Variants in KLF13 observed in about 807,000 individuals in gnomAD.
KLF13 encodes KLF transcription factor 13, also known as Krueppel-like factor 13.
KLF13 carries 8 observed loss-of-function variants against 16.7 expected under a neutral mutation model. The ratio of observed to expected loss-of-function variants is 0.48; its 90% confidence interval spans 0.28 to 0.87. The LOEUF (loss-of-function observed/expected upper bound fraction) is 0.87, where lower values mean the gene tolerates loss of function less well. KLF13 is among the 40% of genes least tolerant of loss of function. KLF13 has a pLI of 0.10. For synonymous variants in KLF13, 245 were observed against 208.4 expected (o/e 1.18, Z -1.51); for missense variants, 447 against 452.2 (o/e 0.99, Z 0.10).
At chr15:31,414,005 A>G (rs1404991084) in intron 1 of KLF13, among the ~76,000 whole-genome samples, 1 of 152,218 alleles carries the variant, frequency 6.6e-6, no homozygotes, top group Non-Finnish European at 1.5e-5. Context: ...ATGGGCTAAG[A>G]AAATGATTAT....
chr15:31,405,127 G>C (rs1445923556), downstream of KLF13, among the ~76,000 whole-genome samples: 1 of 152,218 alleles, frequency 6.6e-6, no homozygotes, highest in African/African-American at 2.4e-5. Flanking sequence ...GGTCATGCGA[G>C]CAGAGCTCTC....
At chr15:31,368,158 G>A (rs77240922) in intron 1 of KLF13, among the ~76,000 whole-genome samples, 2,773 of 152,234 alleles carry the variant, frequency 0.018, 48 homozygotes, top group Non-Finnish European at 0.029. Flanking sequence ...CACATGCACA[G>A]GTTCTGGAGG....
chr15:31,327,103 G>C lies in KLF13; in HGVS notation c.-110G>C, dbSNP rs942012911. On this transcript the variant is annotated 5_prime_UTR_variant, in exon 1 of 2. Transcript: ENST00000307145. ...CCAGCCCAGCCCAGCCCAGCCCGAG[G>C]AGAGGGCGCGCCGCGCCCCCGCCCC... 2 of 994,316 alleles carry C rather than the reference G, an allele frequency of 2.0e-6. No homozygotes were observed. The highest frequency in any genetic ancestry group is 9.2e-5 in the East Asian group (2 of 21,652). 61.6% of individuals were successfully genotyped at this position (994,316 alleles called of 1,614,324 possible).
chr15:31,327,827 G>C (rs778349475), intron 1 of KLF13, 38 bp downstream of exon 1: 10 of 1,401,508 alleles, frequency 7.1e-6, no homozygotes, highest in South Asian at 1.5e-5. Flanking sequence ...TCGCGCGGAC[G>C]GGGTCGGCGC....
At chr15:31,367,576 C>G (rs1017295462) in intron 1 of KLF13, among the ~76,000 whole-genome samples, 10 of 152,200 alleles carry the variant, frequency 6.6e-5, no homozygotes, top group African/African-American at 2.4e-4. Flanking sequence ...GCTTCCCCAG[C>G]CTGCAGGCAG....
downstream of KLF13, among the ~76,000 whole-genome samples, chr15:31,406,898 T>G (rs1453115198): frequency 6.6e-6 from 1 of 152,198 alleles, no homozygotes; most frequent in Non-Finnish European, 1.5e-5. Context: ...ACTTTGGCCC[T>G]CTCGCCTCCC....
At chr15:31,337,417 T>G (rs2038948891) in intron 1 of KLF13, among the ~76,000 whole-genome samples, 2 of 152,150 alleles carry the variant, frequency 1.3e-5, no homozygotes, top group Non-Finnish European at 2.9e-5. Flanking sequence ...TGCCCAAGGT[T>G]TTATTATCTT....
intron 1 of KLF13, among the ~76,000 whole-genome samples, chr15:31,341,131 T>G (rs1461253434): frequency 2.0e-5 from 3 of 152,192 alleles, no homozygotes; most frequent in Non-Finnish European, 4.4e-5. Context: ...GTGTTTTATT[T>G]TTCATCAGAG....
At chr15:31,345,637 C>CA (rs1281538576) in intron 1 of KLF13, among the ~76,000 whole-genome samples, 1 of 152,188 alleles carries the variant, frequency 6.6e-6, no homozygotes. Flanking sequence ...CCATCCCCCT[C>CA]ACCAGGGGAC....
At chr15:31,355,330 G>T (rs993212855) in intron 1 of KLF13, among the ~76,000 whole-genome samples, 1 of 152,198 alleles carries the variant, frequency 6.6e-6, no homozygotes, top group Non-Finnish European at 1.5e-5. Flanking sequence ...CTGAAGAGGA[G>T]CTACTAGGAG....
intron 1 of KLF13, among the ~76,000 whole-genome samples, chr15:31,360,808 G>T (rs1296905822): frequency 1.3e-5 from 2 of 152,232 alleles, no homozygotes; most frequent in Admixed American, 6.5e-5. Flanking sequence ...TTTACTTTGT[G>T]AAACCAACCC....
intron 1 of KLF13, among the ~76,000 whole-genome samples, chr15:31,353,415 G>A (rs749341585): frequency 2.0e-5 from 1 of 51,086 alleles, no homozygotes; most frequent in Non-Finnish European, 4.7e-5. Flanking sequence ...CCCAGGTTGG[G>A]GGGCCTGGGC....
intron 1 of KLF13, among the ~76,000 whole-genome samples, chr15:31,425,909 G>T (rs1214231181): frequency 6.6e-6 from 1 of 152,096 alleles, no homozygotes; most frequent in East Asian, 1.9e-4. Flanking sequence ...GCCTTTAACA[G>T]CACCCAAGTC....
intron 1 of KLF13, among the ~76,000 whole-genome samples, chr15:31,364,822 A>C (rs940984482): frequency 6.6e-6 from 1 of 152,232 alleles, no homozygotes; most frequent in Non-Finnish European, 1.5e-5. Flanking sequence ...AGCCATGTGC[A>C]TGTCAGCTCC....
At chr15:31,420,562 T>A (rs1395232143) in intron 1 of KLF13, 31 of 496,128 alleles carry the variant, frequency 6.2e-5, no homozygotes, top group Non-Finnish European at 3.8e-6. Context: ...CCAACATTGA[T>A]AGCCCTTTGA....
intron 1 of KLF13, among the ~76,000 whole-genome samples, chr15:31,431,476 T>G (rs546632172): frequency 2.6e-5 from 4 of 152,156 alleles, no homozygotes; most frequent in Non-Finnish European, 5.9e-5. Context: ...GGTTAAATTT[T>G]TTTTTTTAGA....
chr15:31,336,071 G>A (rs370633230), intron 1 of KLF13, among the ~76,000 whole-genome samples: 43 of 152,352 alleles, frequency 2.8e-4, no homozygotes, highest in East Asian at 2.5e-3. Context: ...GAGGAGCCAC[G>A]AGCTTCTCCC....
intron 1 of KLF13, among the ~76,000 whole-genome samples, chr15:31,422,804 G>A (rs12899540): frequency 0.55 from 83,732 of 151,686 alleles, 24,052 homozygotes; most frequent in South Asian, 0.67. Context: ...GGAGGCTGAG[G>A]TGGGCTGATC....
downstream of KLF13, among the ~76,000 whole-genome samples, chr15:31,380,542 A>C (rs573881297): frequency 2.7e-4 from 41 of 152,182 alleles, no homozygotes; most frequent in Non-Finnish European, 5.4e-4. Context: ...CTTGTTGGTC[A>C]TGTTGGGGTG....
Sources: allele counts gnomAD v4.1 joint callset (sites outside exome capture counted in the v4.1 genomes callset), GRCh38; gene constraint gnomAD v4.1.1; transcripts MANE v1.5; gene names NCBI Gene and HGNC (gene_info 2026-07-23, HGNC 2026-07-21).